ARHGAP10: variants seen among roughly 807,000 people sequenced by gnomAD.
ARHGAP10 encodes the protein rho GTPase-activating protein 10.
A neutral mutation model predicts 108.6 loss-of-function variants in ARHGAP10; 87 were observed. The ratio of observed to expected loss-of-function variants is 0.80; its 90% CI spans 0.67 to 0.96. The LOEUF is 0.96. ARHGAP10 is among the 40% of genes least tolerant of loss of function. The pLI, the probability that ARHGAP10 is intolerant of heterozygous loss-of-function variation, is 0.00. For missense variants in ARHGAP10, 939 were observed against 954.5 expected (o/e 0.98, Z 0.21); for synonymous variants, 347 against 341.1 (o/e 1.02, Z -0.19).
chr4:147,993,914 T>C (rs889003243), intron 18 of ARHGAP10, among the ~76,000 whole-genome samples: 2 of 152,234 alleles, frequency 1.3e-5, no homozygotes, highest in African/African-American at 4.8e-5. Flanking sequence ...CTCTAGTTCA[T>C]GCAAACCGTG....
At chr4:147,906,498 G>A (rs1009743953) in intron 10 of ARHGAP10, 140 bp from the exon 11 acceptor site, 5 of 720,354 alleles carry the variant, frequency 6.9e-6, no homozygotes, top group Non-Finnish European at 9.2e-6. Context: ...CTTAAAAATC[G>A]TTAAGATGAT....
Position 147,864,852 on chromosome 4 carries a change from A to G in ARHGAP10, c.493A>G (p.Ile165Val). 6.2e-7 allele frequency: 1 copy of G among 1,613,472 alleles called. No homozygotes were observed. Among genetic ancestry groups the G allele is most frequent in the Non-Finnish European group, 8.5e-7 (1 of 1,179,712 alleles). Residue 165 changes from isoleucine to valine, a missense_variant, in exon 6 of 23, where the codon ATC becomes GTC. Coordinates refer to ENST00000336498, the MANE Select transcript of ARHGAP10 (RefSeq NM_024605.4). ...KKDSHLQEADIQVEQNRQHFY... is the reference protein window; with the variant it reads ...KKDSHLQEADVQVEQNRQHFY... ...CTCTGTGATTTTAACATAGGCAGAT[A>G]TCCAAGTAGAGCAGAACCGGCAACA...
intron 19 of ARHGAP10, among the ~76,000 whole-genome samples, chr4:148,024,504 A>C (rs933525343): frequency 2.0e-5 from 3 of 152,210 alleles, no homozygotes; most frequent in Non-Finnish European, 2.9e-5. Flanking sequence ...TACCTGACTT[A>C]GAGGTATCTC....
chr4:147,889,076 G>A (rs540621968), intron 10 of ARHGAP10, among the ~76,000 whole-genome samples: 1 of 152,310 alleles, frequency 6.6e-6, no homozygotes, highest in Non-Finnish European at 1.5e-5. Context: ...TAACAGATTT[G>A]TACTGGATTA....
At position 147,782,935 on chromosome 4, in the gene ARHGAP10, AATTATAT is replaced by A. The variant is rs1357695519; in HGVS notation, c.155-39783_155-39777del. On this transcript the variant is annotated intron_variant, in intron 1 of 22. Coordinates refer to ENST00000336498, the MANE Select transcript of ARHGAP10 (RefSeq NM_024605.4). ...AATATATAAATTATATAATATATAA[AATTATAT>A]ATTATATAAATTATATATAATATAT... 3.6e-5 allele frequency among the ~76,000 whole-genome samples: 5 copies of A among 140,462 alleles called. 1 individual carries two copies. The highest frequency in any genetic ancestry group is 2.0e-4 in the East Asian group (1 of 5,078). 92.1% of individuals were successfully genotyped at this position (140,462 alleles called of 152,430 possible).
intron 19 of ARHGAP10, among the ~76,000 whole-genome samples, chr4:148,033,347 G>T (rs1275902057): frequency 3.3e-5 from 5 of 152,190 alleles, no homozygotes; most frequent in Non-Finnish European, 7.3e-5. Context: ...GGATGATAAA[G>T]ATTTGTCCAT....
chr4:147,843,576 G>A (rs1429243117), intron 3 of ARHGAP10, among the ~76,000 whole-genome samples: 2 of 151,932 alleles, frequency 1.3e-5, no homozygotes, highest in Admixed American at 6.6e-5. Flanking sequence ...GCCCAGGCTG[G>A]AGTGCAGTGG....
At chr4:147,936,866 A>T (rs1208783460) in intron 13 of ARHGAP10, among the ~76,000 whole-genome samples, 2 of 152,198 alleles carry the variant, frequency 1.3e-5, no homozygotes, top group African/African-American at 4.8e-5. Flanking sequence ...GTGGCCTATT[A>T]GGAACCAGGC....
At chr4:148,059,624 C>G (rs968185745) in intron 20 of ARHGAP10, among the ~76,000 whole-genome samples, 2 of 152,060 alleles carry the variant, frequency 1.3e-5, no homozygotes, top group Non-Finnish European at 2.9e-5. Context: ...CTGGGGCTCT[C>G]CCCTGAACCA....
chr4:148,045,412 C>A lies in ARHGAP10; in HGVS notation c.1868-1480C>A, dbSNP rs75111636. On this transcript the variant is annotated intron_variant, in intron 19 of 22. Coordinates refer to ENST00000336498, the MANE Select transcript of ARHGAP10 (RefSeq NM_024605.4). ...GTCTGGGGAGCTAGCTTAATCAGAG[C>A]CTGGAATTTCTCTTATGCTTCGTTT... is the stretch of plus-strand genomic sequence containing the variant. Among the ~76,000 whole-genome samples the A allele has an allele frequency of 7.2e-5, 11 of 152,154 alleles. No homozygotes were observed. In the South Asian group the frequency reaches 1.5e-3, roughly 20 times the overall value.
At chr4:147,790,384 C>T (rs556581873) in intron 1 of ARHGAP10, among the ~76,000 whole-genome samples, 45 of 152,218 alleles carry the variant, frequency 3.0e-4, no homozygotes, top group African/African-American at 8.7e-4. Context: ...ACATTCAGTT[C>T]GTAACACCTA....
chr4:147,869,722 C>G (rs1458585773), intron 7 of ARHGAP10, among the ~76,000 whole-genome samples: 1 of 151,898 alleles, frequency 6.6e-6, no homozygotes, highest in East Asian at 1.9e-4. Context: ...TCTTACAACT[C>G]AGAGTTTCTC....
chr4:147,980,394 A>G lies in ARHGAP10; in HGVS notation c.1716+13555A>G, dbSNP rs572827792. 2.8e-3 allele frequency among the ~76,000 whole-genome samples: 432 copies of G among 152,288 alleles called. 1 individual carries two copies. The highest frequency in any genetic ancestry group is 4.4e-3 in the Non-Finnish European group (296 of 68,016). Reference sequence around the variant, plus strand: ...ACATCCCAGGAATAAAGCCTACTTGATCATGGCAAATTAACTTTCTGATAT... The same window carrying G: ...ACATCCCAGGAATAAAGCCTACTTGGTCATGGCAAATTAACTTTCTGATAT... On this transcript the variant is annotated intron_variant, in intron 18 of 22. Coordinates refer to ENST00000336498, the MANE Select transcript of ARHGAP10 (RefSeq NM_024605.4).
chr4:147,920,714 A>G (rs1024053491), intron 13 of ARHGAP10, among the ~76,000 whole-genome samples: 4 of 152,228 alleles, frequency 2.6e-5, no homozygotes, highest in Non-Finnish European at 5.9e-5. Context: ...GATGATCAAA[A>G]TGTTGCAAAT....
intron 10 of ARHGAP10, among the ~76,000 whole-genome samples, chr4:147,897,382 C>T (rs1736036133): frequency 6.6e-6 from 1 of 152,040 alleles, no homozygotes; most frequent in Non-Finnish European, 1.5e-5. Flanking sequence ...TGATTACAGG[C>T]ATGAGCCACT....
At chr4:147,984,012 T>C (rs1006126794) in intron 18 of ARHGAP10, among the ~76,000 whole-genome samples, 1 of 152,178 alleles carries the variant, frequency 6.6e-6, no homozygotes, top group Non-Finnish European at 1.5e-5. Context: ...TACTGTGGTG[T>C]ATATTGTGTG....
chr4:147,868,349 GC>G (rs34216395), intron 7 of ARHGAP10, among the ~76,000 whole-genome samples: 8,269 of 151,822 alleles, frequency 0.054, 228 homozygotes, highest in Non-Finnish European at 0.067. Context: ...TACTCCTCCT[GC>G]CTCAGCCTCC....
chr4:147,970,453 G>C (rs1159813223), intron 18 of ARHGAP10, among the ~76,000 whole-genome samples: 1 of 152,050 alleles, frequency 6.6e-6, no homozygotes, highest in Non-Finnish European at 1.5e-5. Context: ...AAAAAGGAAG[G>C]TTAAACTGGG....
At chr4:148,031,390 C>T (rs1420602314) in intron 19 of ARHGAP10, among the ~76,000 whole-genome samples, 1 of 152,120 alleles carries the variant, frequency 6.6e-6, no homozygotes, top group Non-Finnish European at 1.5e-5. Context: ...CAGAACAATC[C>T]TATAGGTAGT....
Sources: gnomAD v4.1 joint callset for allele counts (sites outside exome capture counted in the v4.1 genomes callset) on GRCh38, gnomAD v4.1.1 for gene constraint, MANE v1.5 for transcripts, NCBI Gene and HGNC (gene_info 2026-07-23, HGNC 2026-07-21) for gene names.